Variants in C14orf132 observed in about 807,000 individuals in gnomAD.
The protein encoded by C14orf132 is chromosome 14 open reading frame 132.
C14orf132 carries 6 observed loss-of-function variants against 5.8 expected under a neutral mutation model. The ratio of observed to expected loss-of-function variants is 1.03; its 90% CI spans 0.57 to 2.04. The LOEUF (loss-of-function observed/expected upper bound fraction) is 2.04. Among genes scored for constraint, C14orf132 ranks in the 30% most tolerant of loss-of-function variants. The probability of loss-of-function intolerance (pLI) is 0.00; values close to 1 mark genes in which losing one functional copy is unlikely to be tolerated. For synonymous variants in C14orf132, 51 were observed against 49.8 expected (o/e 1.02, Z -0.10); for missense variants, 125 against 115.8 (o/e 1.08, Z -0.37).
intron 1 of C14orf132, among the ~76,000 whole-genome samples, chr14:96,052,619 A>G (rs933978484): frequency 1.3e-5 from 2 of 152,226 alleles, no homozygotes; most frequent in African/African-American, 4.8e-5. Context: ...TATGGCTTGC[A>G]TCAGCTTGCG....
chr14:96,070,317 G>C (rs1477141553), intron 1 of C14orf132, among the ~76,000 whole-genome samples: 1 of 152,160 alleles, frequency 6.6e-6, no homozygotes, highest in African/African-American at 2.4e-5. Flanking sequence ...TCATGAGCCA[G>C]GTAGCCATCC....
chr14:96,039,557 GGCC>G lies in C14orf132; in HGVS notation c.27+34_27+36del, dbSNP rs1886627149. 1 of 1,495,800 alleles carries G rather than the reference GGCC, an allele frequency of 6.7e-7. No homozygotes were observed. 92.7% of individuals were successfully genotyped at this position (1,495,800 alleles called of 1,614,324 possible). On this transcript the variant is annotated intron_variant, in intron 1 of 1. Coordinates refer to ENST00000555004, the MANE Select transcript of C14orf132 (RefSeq NM_001252507.3). This position sits in a 1 kb window ranked among gnomAD's most constrained non-coding sequence, Gnocchi z 5.3. The stretch of plus-strand genomic sequence containing the variant: ...CGGGGCGTCCCCCCCACGCGCCCCG[GGCC>G]GCCAAGTTTGGGGAGGTTCGGGGCC...
intron 1 of C14orf132, among the ~76,000 whole-genome samples, chr14:96,074,422 TC>T (rs1409966664): frequency 6.6e-6 from 1 of 152,188 alleles, no homozygotes; most frequent in Non-Finnish European, 1.5e-5. Context: ...TGATGTTGGA[TC>T]TAATAACTCT....
intron 1 of C14orf132, among the ~76,000 whole-genome samples, chr14:96,064,683 G>A (rs912630783): frequency 6.6e-6 from 1 of 151,740 alleles, no homozygotes; most frequent in African/African-American, 2.4e-5. Flanking sequence ...GGGAAGAGTG[G>A]AAGAGGGGGC....
intron 1 of C14orf132, among the ~76,000 whole-genome samples, chr14:96,067,447 G>C (rs993869938): frequency 1.3e-5 from 2 of 152,008 alleles, no homozygotes; most frequent in African/African-American, 4.8e-5. Context: ...CTAAAAATTA[G>C]TGTGCACTCT....
intron 1 of C14orf132, among the ~76,000 whole-genome samples, chr14:96,063,331 C>A (rs1199866358): frequency 6.6e-6 from 1 of 152,076 alleles, no homozygotes; most frequent in African/African-American, 2.4e-5. Flanking sequence ...TTTTTTGAGA[C>A]AGAGTCTCGC....
At chr14:96,075,986 C>G (rs1747220596) in intron 1 of C14orf132, among the ~76,000 whole-genome samples, 1 of 152,122 alleles carries the variant, frequency 6.6e-6, no homozygotes, top group African/African-American at 2.4e-5. Context: ...AACAGAATGT[C>G]TACAACTTGT....
intron 1 of C14orf132, among the ~76,000 whole-genome samples, chr14:96,078,838 C>T (rs1887952155): frequency 6.6e-6 from 1 of 152,240 alleles, no homozygotes; most frequent in East Asian, 1.9e-4. Flanking sequence ...CCCAGCCTCC[C>T]AGCAGTTCCT....
chr14:96,082,934 C>T (rs888905820), intron 1 of C14orf132, among the ~76,000 whole-genome samples: 8 of 152,216 alleles, frequency 5.3e-5, no homozygotes, highest in African/African-American at 9.6e-5. Context: ...CTCACCCAAG[C>T]TCCACCATAT....
At chr14:96,064,794 C>G (rs1372280368) in intron 1 of C14orf132, among the ~76,000 whole-genome samples, 1 of 151,976 alleles carries the variant, frequency 6.6e-6, no homozygotes, top group Admixed American at 6.6e-5. Context: ...CAACCACAAA[C>G]CACCTGTACC....
At chr14:96,046,136 G>C (rs779736529) in intron 1 of C14orf132, among the ~76,000 whole-genome samples, 10 of 152,160 alleles carry the variant, frequency 6.6e-5, no homozygotes, top group Admixed American at 1.3e-4. Flanking sequence ...CGTAGGACCT[G>C]CCTAGAAGTC....
intron 1 of C14orf132, among the ~76,000 whole-genome samples, chr14:96,048,169 CAG>C (rs1021919412): frequency 6.6e-6 from 1 of 152,150 alleles, no homozygotes; most frequent in Non-Finnish European, 1.5e-5. Context: ...GCCTGGGTGA[CAG>C]AGTGAAACTC....
At chr14:96,048,298 T>C (rs1421887380) in intron 1 of C14orf132, among the ~76,000 whole-genome samples, 2 of 152,302 alleles carry the variant, frequency 1.3e-5, no homozygotes, top group Middle Eastern at 3.4e-3. Flanking sequence ...ATCCACGTTA[T>C]AGACAGTATT....
chr14:96,049,037 G>T (rs1886918726), intron 1 of C14orf132, among the ~76,000 whole-genome samples: 1 of 152,126 alleles, frequency 6.6e-6, no homozygotes, highest in Non-Finnish European at 1.5e-5. Flanking sequence ...CAATTCTCCT[G>T]CCTCGGCATC....
chr14:96,047,897 C>T (rs928736403), intron 1 of C14orf132, among the ~76,000 whole-genome samples: 3 of 152,138 alleles, frequency 2.0e-5, no homozygotes, highest in Admixed American at 1.3e-4. Flanking sequence ...CATCAGAATC[C>T]TCCAAAGTCG....
At chr14:96,042,413 C>G (rs1451778385) in intron 1 of C14orf132, among the ~76,000 whole-genome samples, 1 of 152,108 alleles carries the variant, frequency 6.6e-6, no homozygotes, top group Non-Finnish European at 1.5e-5. Context: ...AACCTCAGCC[C>G]CTGTAGAGGA....
chr14:96,073,027 A>G (rs1238157233), intron 1 of C14orf132, among the ~76,000 whole-genome samples: 2 of 152,180 alleles, frequency 1.3e-5, no homozygotes, highest in Non-Finnish European at 1.5e-5. Flanking sequence ...TATGATAAAC[A>G]TATGTTTAAC....
At chr14:96,053,753 C>T (rs74578856) in intron 1 of C14orf132, among the ~76,000 whole-genome samples, 11,932 of 152,254 alleles carry the variant, frequency 0.078, 705 homozygotes, top group Non-Finnish European at 0.12. Flanking sequence ...CCAGGTCACA[C>T]GGCTCACCCT....
chr14:96,057,281 G>A (rs1323022781), intron 1 of C14orf132, among the ~76,000 whole-genome samples: 3 of 152,204 alleles, frequency 2.0e-5, no homozygotes, highest in African/African-American at 7.2e-5. Context: ...TGAGGACACA[G>A]CCTTCCTCAC....
Sources: gnomAD v4.1 joint callset for allele counts (sites outside exome capture counted in the v4.1 genomes callset) on GRCh38, gnomAD v4.1.1 for gene constraint, Gnocchi (gnomAD v3.1) non-coding constraint, MANE v1.5 for transcripts, NCBI Gene and HGNC (gene_info 2026-07-23, HGNC 2026-07-21) for gene names.